The following VPS13B variants were observed in gnomAD, a reference collection of about 807,000 sequenced individuals.
VPS13B encodes the protein vacuolar protein sorting 13 homolog B.
Under a neutral mutation model 426.4 loss-of-function variants are expected in VPS13B, and 285 were observed. The ratio of observed to expected loss-of-function variants is 0.67; its 90% CI spans 0.61 to 0.74. The LOEUF (loss-of-function observed/expected upper bound fraction) is 0.74. Ranked by LOEUF, VPS13B falls within the 30% of genes least tolerant of loss-of-function variation. VPS13B has a pLI of 0.00. For missense variants in VPS13B, 4,537 were observed against 4,782.6 expected (o/e 0.95, Z 1.51); for synonymous variants, 1,676 against 1,676.4 (o/e 1.00, Z 0.01).
chr8:99,348,149 C>T (rs1227138278), intron 19 of VPS13B: 2 of 152,252 alleles, frequency 1.3e-5, no homozygotes, highest in Non-Finnish European at 2.9e-5. Flanking sequence ...TTCGTTAACA[C>T]TGTTAATTTT....
intron 44 of VPS13B, 60 bp from the exon 45 acceptor site, chr8:99,817,480 C>T: frequency 6.3e-6 from 10 of 1,586,460 alleles, no homozygotes; most frequent in East Asian, 2.2e-5. Context: ...TGAATGATAA[C>T]ATATTTCCAG....
At chr8:99,267,595 C>T (rs535060487) in intron 17 of VPS13B, among the ~76,000 whole-genome samples, 13 of 151,828 alleles carry the variant, frequency 8.6e-5, no homozygotes, top group Middle Eastern at 6.8e-3. Context: ...GGCATGGTAG[C>T]GCATGCCTAT....
In VPS13B at chr8:99,340,318, G is replaced by A. The variant is rs190026234; in HGVS notation, c.2825-43890G>A. ...CCCATCAACACTTTAATAAATTGCC[G>A]GGGGTTTCTAGGTGCTATAGTATGC... On this transcript the variant is annotated intron_variant, in intron 19 of 61. Transcript: ENST00000357162. 2.6e-4 allele frequency: 80 copies of A among 304,588 alleles called. No homozygotes were observed. In the East Asian group the frequency reaches 3.7e-3, roughly 14 times the overall value. The allele number at this position is 304,588 out of a possible 1,614,324, so 18.9% of individuals were successfully genotyped here.
chr8:99,720,503 A>G lies in VPS13B; in HGVS notation c.6816A>G (p.Gln2272=). ...VEKNQTFKSE[Q]SSDDLRTGLF... ...AGAATCAGACATTTAAAAGTGAACA[A>G]AGTTCAGATGACCTACGGACAGGTC... Residue 2272 remains glutamine, a synonymous_variant, in exon 38 of 62, where the codon CAA becomes CAG. Transcript: ENST00000357162. 1 of 1,614,036 alleles carries G rather than the reference A, an allele frequency of 6.2e-7. No individual in the cohort carries two copies. The highest frequency in any genetic ancestry group is 8.5e-7 in the Non-Finnish European group (1 of 1,179,950).
chr8:99,670,179 G>A (rs1311007189), intron 35 of VPS13B, among the ~76,000 whole-genome samples: 1 of 152,020 alleles, frequency 6.6e-6, no homozygotes, highest in Admixed American at 6.6e-5. Context: ...ATATCTGAAG[G>A]TAACTGATTC....
intron 17 of VPS13B, among the ~76,000 whole-genome samples, chr8:99,252,973 A>T (rs1817576023): frequency 6.6e-6 from 1 of 151,998 alleles, no homozygotes; most frequent in African/African-American, 2.4e-5. Context: ...ACCCCATACC[A>T]ATTAAGCAAT....
intron 3 of VPS13B, among the ~76,000 whole-genome samples, chr8:99,046,384 A>G (rs529013779): frequency 7.2e-5 from 11 of 152,168 alleles, no homozygotes; most frequent in African/African-American, 2.6e-4. Context: ...ATTTGTGTAC[A>G]TTAATTTTGT....
intron 16 of VPS13B, among the ~76,000 whole-genome samples, chr8:99,171,429 T>C (rs900119363): frequency 1.3e-5 from 2 of 152,044 alleles, no homozygotes; most frequent in Non-Finnish European, 2.9e-5. Flanking sequence ...AAAATAGTTT[T>C]ATTGCAAACA....
intron 33 of VPS13B, among the ~76,000 whole-genome samples, chr8:99,580,781 G>A (rs1418222553): frequency 3.3e-5 from 5 of 151,950 alleles, no homozygotes; most frequent in Non-Finnish European, 5.9e-5. Flanking sequence ...GAGCCCCAGA[G>A]GTCAAGGCTG....
In VPS13B at chr8:99,072,246, A is replaced by G. The variant is rs535588654; in HGVS notation, c.292-24066A>G. The stretch of plus-strand genomic sequence containing the variant: ...CTAGACCCACGGTGAGTACTACCTG[A>G]TTACTGCTGGTGTTTATCCACTGCC... On this transcript the variant is annotated intron_variant, in intron 3 of 61. Coordinates refer to ENST00000357162, the MANE Select transcript of VPS13B (RefSeq NM_152564.5). 3.3e-5 allele frequency among the ~76,000 whole-genome samples: 5 copies of G among 152,170 alleles called. 1 individual carries two copies. The highest frequency in any genetic ancestry group is 1.2e-4 in the African/African-American group (5 of 41,514).
In VPS13B at chr8:99,378,315, G is replaced by A. The variant is rs551458608; in HGVS notation, c.2825-5893G>A. On this transcript the variant is annotated intron_variant, in intron 19 of 61. Transcript: ENST00000357162. Reference sequence around the variant, plus strand: ...CTATCTCTCTTGTTCCCTGAAAATCGCTGTTTTCCTGTTCTTAAGGTGCCC... The same window carrying A: ...CTATCTCTCTTGTTCCCTGAAAATCACTGTTTTCCTGTTCTTAAGGTGCCC... Among the ~76,000 whole-genome samples the A allele has an allele frequency of 1.8e-3, 273 of 152,170 alleles. 2 individuals are homozygous for A. Among genetic ancestry groups the A allele is most frequent in the Non-Finnish European group, 3.3e-3 (225 of 68,018 alleles).
Position 99,413,756 on chromosome 8 carries a change from A to G in VPS13B, c.3083-17781A>G, listed in dbSNP as rs189078310. Among the ~76,000 whole-genome samples the G allele has an allele frequency of 3.8e-3, 574 of 152,222 alleles. 2 individuals carry two copies. The highest frequency in any genetic ancestry group is 5.1e-3 in the Non-Finnish European group (346 of 68,006). Reference sequence around the variant, plus strand: ...CTGTGTGGTTGTGAGTGACTTTCTTAATCTTGAGTTCTAATTTTATTGCAC... The same window carrying G: ...CTGTGTGGTTGTGAGTGACTTTCTTGATCTTGAGTTCTAATTTTATTGCAC... On this transcript the variant is annotated intron_variant, in intron 21 of 61. Coordinates refer to ENST00000357162, the MANE Select transcript of VPS13B (RefSeq NM_152564.5).
At chr8:99,301,224 A>T (rs563692658) in intron 19 of VPS13B, among the ~76,000 whole-genome samples, 225 of 151,686 alleles carry the variant, frequency 1.5e-3, no homozygotes, top group African/African-American at 4.4e-3. Context: ...CAAAAAAAAA[A>T]TTTTTTTTAA....
chr8:99,093,783 T>C (rs1846289439), intron 3 of VPS13B: 1 of 152,140 alleles, frequency 6.6e-6, no homozygotes, highest in African/African-American at 2.4e-5. Flanking sequence ...CTATCATTGT[T>C]GGACATTTGG....
At chr8:99,665,143 T>C (rs1486729457) in intron 35 of VPS13B, among the ~76,000 whole-genome samples, 1 of 152,240 alleles carries the variant, frequency 6.6e-6, no homozygotes, top group Admixed American at 6.5e-5. Flanking sequence ...TTCATATCCT[T>C]CGCCCACTGT....
At chr8:99,093,420 G>T (rs1172254252) in intron 3 of VPS13B, among the ~76,000 whole-genome samples, 1 of 150,960 alleles carries the variant, frequency 6.6e-6, no homozygotes, top group Admixed American at 6.6e-5. Context: ...GGGTACATGT[G>T]CACAATGTGC....
intron 21 of VPS13B, among the ~76,000 whole-genome samples, chr8:99,410,538 ATTT>A (rs1431091349): frequency 5.4e-5 from 7 of 128,450 alleles, no homozygotes; most frequent in Non-Finnish European, 1.0e-4. Flanking sequence ...TACCAGAATT[ATTT>A]ATTTATTTAT....
At position 99,870,823 on chromosome 8, in the gene VPS13B, C is replaced by A. The variant is rs1269999933; in HGVS notation, c.11431C>A (p.Gln3811Lys). ...AGCTGGACTTTCTCAGCTTCCCAAA[C>A]AGCGCCATCAGCCAAGTGATCTACA... is the stretch of plus-strand genomic sequence containing the variant. Reference protein sequence around the residue: ...HGAGLSQLPKQRHQPSDLHAD... With the variant: ...HGAGLSQLPKKRHQPSDLHAD... Residue 3811 changes from glutamine to lysine, a missense_variant, in exon 60 of 62, where the codon CAG becomes AAG. Transcript: ENST00000357162. The A allele has an allele frequency of 6.2e-7, 1 of 1,614,224 alleles. No individual in the cohort carries two copies. Among genetic ancestry groups the A allele is most frequent in the South Asian group, 1.1e-5 (1 of 91,086 alleles).
chr8:99,286,215 G>A (rs1352794271), intron 19 of VPS13B, among the ~76,000 whole-genome samples: 2 of 152,184 alleles, frequency 1.3e-5, no homozygotes, highest in African/African-American at 2.4e-5. Context: ...TGGTCCAAAG[G>A]AAATTATTTT....
Sources: gnomAD v4.1 joint callset for allele counts (sites outside exome capture counted in the v4.1 genomes callset) on GRCh38, gnomAD v4.1.1 for gene constraint, MANE v1.5 for transcripts, NCBI Gene and HGNC (gene_info 2026-07-23, HGNC 2026-07-21) for gene names.